Variants in VSNL1 observed in about 807,000 individuals in gnomAD.
The protein encoded by VSNL1 is visinin like 1.
A neutral mutation model predicts 20.4 loss-of-function variants in VSNL1; 6 were observed. That is an observed-to-expected ratio of 0.29 (90% confidence interval 0.16 to 0.58). VSNL1 has a LOEUF of 0.58. Among genes scored for constraint, VSNL1 ranks in the 20% least tolerant of loss-of-function variants. The probability of loss-of-function intolerance (pLI) is 0.90; values close to 1 mark genes in which losing one functional copy is unlikely to be tolerated. For synonymous variants in VSNL1, 93 were observed against 86.4 expected (o/e 1.08, Z -0.42); for missense variants, 100 against 234.5 (o/e 0.43, Z 3.75).
chr2:17,623,788 G>T (rs1043279736), intron 2 of VSNL1, among the ~76,000 whole-genome samples: 23 of 151,956 alleles, frequency 1.5e-4, no homozygotes, highest in African/African-American at 5.6e-4. Flanking sequence ...TTTTTGTGGA[G>T]AGTGGAACAT....
At chr2:17,639,204 T>C (rs1342289035) in intron 2 of VSNL1, among the ~76,000 whole-genome samples, 1 of 152,174 alleles carries the variant, frequency 6.6e-6, no homozygotes, top group African/African-American at 2.4e-5. Flanking sequence ...TCGATGGAAA[T>C]ATTGGTTTTG....
At chr2:17,567,239 A>G (rs1224133468) in intron 1 of VSNL1, 1 of 152,068 alleles carries the variant, frequency 6.6e-6, no homozygotes, top group East Asian at 1.9e-4. Context: ...CAAATTTTTA[A>G]AAATAAAGTT....
chr2:17,556,392 T>C (rs1292150203), intron 1 of VSNL1, among the ~76,000 whole-genome samples: 1 of 152,182 alleles, frequency 6.6e-6, no homozygotes, highest in African/African-American at 2.4e-5. Flanking sequence ...AATTGGATCA[T>C]TAAAAGTCAT....
chr2:17,629,934 T>G (rs540986717), intron 2 of VSNL1, among the ~76,000 whole-genome samples: 1 of 152,250 alleles, frequency 6.6e-6, no homozygotes, highest in South Asian at 2.1e-4. Context: ...TTTTATGGAC[T>G]CGGAATGGCG....
At chr2:17,588,519 A>G (rs906159983) in intron 1 of VSNL1, among the ~76,000 whole-genome samples, 1 of 152,224 alleles carries the variant, frequency 6.6e-6, no homozygotes, top group Non-Finnish European at 1.5e-5. Flanking sequence ...TCTTTCTGTT[A>G]TGCTGGTCCC....
chr2:17,542,656 G>A (rs1479865942), intron 1 of VSNL1, among the ~76,000 whole-genome samples: 1 of 152,134 alleles, frequency 6.6e-6, no homozygotes, highest in African/African-American at 2.4e-5. Flanking sequence ...CTAATCATTT[G>A]TCATAATTGA....
chr2:17,638,517 C>T (rs1325231643), intron 2 of VSNL1, among the ~76,000 whole-genome samples: 4 of 152,188 alleles, frequency 2.6e-5, no homozygotes, highest in Non-Finnish European at 4.4e-5. Context: ...CCCAGCATCT[C>T]ACAGCCAGTA....
At chr2:17,565,140 C>G (rs1458923751) in intron 1 of VSNL1, among the ~76,000 whole-genome samples, 1 of 152,138 alleles carries the variant, frequency 6.6e-6, no homozygotes, top group Non-Finnish European at 1.5e-5. Flanking sequence ...TATCTAAAAT[C>G]ATAGATGGCC....
chr2:17,602,151 T>C (rs984799920), intron 2 of VSNL1, among the ~76,000 whole-genome samples: 1 of 152,156 alleles, frequency 6.6e-6, no homozygotes, highest in African/African-American at 2.4e-5. Flanking sequence ...TGGGAGTCAG[T>C]TACCCCTGCC....
chr2:17,546,411 T>TG (rs763069589), intron 1 of VSNL1, among the ~76,000 whole-genome samples: 19 of 133,736 alleles, frequency 1.4e-4, no homozygotes, highest in East Asian at 7.9e-4. Flanking sequence ...AATAGTTTTT[T>TG]GTTTTTTTTG....
At chr2:17,589,734 G>A (rs1302342317) in intron 1 of VSNL1, among the ~76,000 whole-genome samples, 1 of 152,224 alleles carries the variant, frequency 6.6e-6, no homozygotes, top group Non-Finnish European at 1.5e-5. Context: ...GTGACCCATG[G>A]AGAAGCCAAG....
chr2:17,583,562 G>A (rs1183691800), intron 1 of VSNL1, among the ~76,000 whole-genome samples: 1 of 152,188 alleles, frequency 6.6e-6, no homozygotes, highest in Non-Finnish European at 1.5e-5. Flanking sequence ...AAAATAAGGT[G>A]CAGAAAAGTG....
intron 1 of VSNL1, among the ~76,000 whole-genome samples, chr2:17,589,083 T>C (rs1664540823): frequency 6.6e-6 from 1 of 151,416 alleles, no homozygotes; most frequent in Non-Finnish European, 1.5e-5. Context: ...CCATGGAGAG[T>C]CCACGAAGGT....
At chr2:17,623,046 C>G (rs946069386) in intron 2 of VSNL1, among the ~76,000 whole-genome samples, 1 of 152,036 alleles carries the variant, frequency 6.6e-6, no homozygotes, top group African/African-American at 2.4e-5. Context: ...CTCAGTAATC[C>G]ATAGCTAGTG....
chr2:17,645,595 G>T (rs1317852596), intron 2 of VSNL1, among the ~76,000 whole-genome samples: 3 of 152,176 alleles, frequency 2.0e-5, no homozygotes, highest in Admixed American at 1.3e-4. Context: ...TAATGTGTCT[G>T]GTTCTCATGC....
intron 2 of VSNL1, among the ~76,000 whole-genome samples, chr2:17,603,421 A>G (rs1664876024): frequency 6.6e-6 from 1 of 152,180 alleles, no homozygotes; most frequent in South Asian, 2.1e-4. Context: ...GGTTGCACCT[A>G]GTCCCCTCCC....
At chr2:17,570,718 A>G (rs745430920) in intron 1 of VSNL1, among the ~76,000 whole-genome samples, 1 of 152,132 alleles carries the variant, frequency 6.6e-6, no homozygotes, top group Non-Finnish European at 1.5e-5. Flanking sequence ...TAGATGAGGA[A>G]ACTGAGCCTT....
At chr2:17,578,765 G>A (rs2103363128) in intron 1 of VSNL1, among the ~76,000 whole-genome samples, 1 of 152,354 alleles carries the variant, frequency 6.6e-6, no homozygotes, top group Admixed American at 6.5e-5. Flanking sequence ...CTACAATAAA[G>A]TGCTTTGTTC....
chr2:17,632,075 C>T (rs770025725), intron 2 of VSNL1, among the ~76,000 whole-genome samples: 7 of 151,808 alleles, frequency 4.6e-5, no homozygotes, highest in Admixed American at 3.3e-4. Context: ...TTAGTAGAGA[C>T]GGTTTTTCAC....
Sources: gnomAD v4.1 joint callset for allele counts (sites outside exome capture counted in the v4.1 genomes callset) on GRCh38, gnomAD v4.1.1 for gene constraint, MANE v1.5 for transcripts, NCBI Gene and HGNC (gene_info 2026-07-23, HGNC 2026-07-21) for gene names.